The following AFG1L variants were observed in gnomAD, a reference collection of about 807,000 sequenced individuals.
The protein encoded by AFG1L is AFG1 like ATPase.
A neutral mutation model predicts 62.2 loss-of-function variants in AFG1L; 53 were observed. That is an observed-to-expected ratio of 0.85 (90% CI 0.68 to 1.07). AFG1L has a LOEUF of 1.07. Ranked by LOEUF, AFG1L falls within the 50% of genes least tolerant of loss-of-function variation. The probability of loss-of-function intolerance (pLI) is 0.00; values close to 1 mark genes in which losing one functional copy is unlikely to be tolerated. For missense variants in AFG1L, 555 were observed against 590.5 expected, an observed-to-expected ratio of 0.94 and a Z score of 0.62; for synonymous variants, 228 against 210.3, an observed-to-expected ratio of 1.08 and a Z score of -0.73.
intron 6 of AFG1L, among the ~76,000 whole-genome samples, chr6:108,383,998 G>A (rs555460619): frequency 6.7e-6 from 1 of 149,614 alleles, no homozygotes; most frequent in South Asian, 2.1e-4. Flanking sequence ...TGATCTTTCT[G>A]CAGGTAATAA....
At chr6:108,318,008 T>TA (rs1777672391) in intron 1 of AFG1L, 1 of 153,528 alleles carries the variant, frequency 6.5e-6, no homozygotes, top group Non-Finnish European at 1.4e-5. Context: ...GTTCCAAACT[T>TA]ATATTTTAAA....
intron 5 of AFG1L, chr6:108,358,951 G>A (rs1367615151): frequency 6.6e-6 from 1 of 152,212 alleles, no homozygotes; most frequent in African/African-American, 2.4e-5. Flanking sequence ...GAGCAAGCAG[G>A]GCAACTTGCC....
chr6:108,460,936 G>A (rs4946920), intron 8 of AFG1L, among the ~76,000 whole-genome samples: 6,712 of 152,242 alleles, frequency 0.044, 223 homozygotes, highest in South Asian at 0.11. Flanking sequence ...CAGCCTGGGC[G>A]ACAGAGCGAG....
At chr6:108,349,784 G>A (rs1779009485) in intron 3 of AFG1L, among the ~76,000 whole-genome samples, 1 of 151,984 alleles carries the variant, frequency 6.6e-6, no homozygotes, top group Admixed American at 6.6e-5. Flanking sequence ...GAGCATGGTG[G>A]TGTGTGCCTG....
chr6:108,484,556 C>CA (rs1391751711), intron 10 of AFG1L, among the ~76,000 whole-genome samples: 1 of 152,140 alleles, frequency 6.6e-6, no homozygotes, highest in African/African-American at 2.4e-5. Flanking sequence ...TACAAGACCC[C>CA]AGGCCTCCAC....
chr6:108,510,849 G>C (rs1774616262), intron 11 of AFG1L, among the ~76,000 whole-genome samples: 1 of 152,134 alleles, frequency 6.6e-6, no homozygotes, highest in African/African-American at 2.4e-5. Context: ...GGAGGCCAAG[G>C]GAGGATCGCT....
intron 6 of AFG1L, among the ~76,000 whole-genome samples, chr6:108,375,328 C>G (rs906275531): frequency 1.3e-5 from 2 of 152,150 alleles, no homozygotes; most frequent in Admixed American, 6.5e-5. Flanking sequence ...ATTTCTTCCT[C>G]TTGCCTGATT....
chr6:108,519,705 A>C lies in AFG1L; in HGVS notation c.1212A>C (p.Ile404=). Residue 404 remains isoleucine, a synonymous_variant, in exon 12 of 13, where the codon ATA becomes ATC. Coordinates refer to ENST00000368977, the MANE Select transcript of AFG1L (RefSeq NM_145315.5). ...IDNFYDLKVR[I]ICSASTPISS... ...ATTTTCTTCTATTTCAGGTGCGTATAATTTGCTCTGCGTCGACTCCTATAT... is the reference window on the plus strand; with the variant it reads ...ATTTTCTTCTATTTCAGGTGCGTATCATTTGCTCTGCGTCGACTCCTATAT... 1 of 1,595,544 alleles carries C rather than the reference A, an allele frequency of 6.3e-7. No homozygotes were observed. The highest frequency in any genetic ancestry group is 2.2e-5 in the East Asian group (1 of 44,772).
At chr6:108,332,399 G>C (rs530124790) in intron 2 of AFG1L, among the ~76,000 whole-genome samples, 8 of 152,282 alleles carry the variant, frequency 5.3e-5, no homozygotes, top group African/African-American at 1.9e-4. Flanking sequence ...GAATATACAT[G>C]GGAACTTGAT....
chr6:108,388,025 A>G (rs949855156), intron 6 of AFG1L: 4 of 152,164 alleles, frequency 2.6e-5, no homozygotes, highest in African/African-American at 9.7e-5. Flanking sequence ...CCCATCTGGT[A>G]GTAAGGCCTT....
intron 1 of AFG1L, among the ~76,000 whole-genome samples, chr6:108,314,396 CT>C (rs779796652): frequency 4.6e-3 from 644 of 140,426 alleles, no homozygotes; most frequent in Non-Finnish European, 4.8e-3. Flanking sequence ...TCTGCTTCTT[CT>C]TTTTTTTTTT....
chr6:108,500,175 T>TGTGTGC (rs2114874625), intron 10 of AFG1L, among the ~76,000 whole-genome samples: 1 of 133,378 alleles, frequency 7.5e-6, no homozygotes, highest in African/African-American at 2.6e-5. Flanking sequence ...TGCGTGCGTG[T>TGTGTGC]GTGTGTGTGT....
At chr6:108,449,434 T>C (rs1348567147) in intron 8 of AFG1L, among the ~76,000 whole-genome samples, 3 of 152,070 alleles carry the variant, frequency 2.0e-5, no homozygotes, top group Non-Finnish European at 2.9e-5. Flanking sequence ...ATTAAAATCA[T>C]CTCAGAAGTG....
At chr6:108,401,443 C>T (rs1192782769) in intron 6 of AFG1L, among the ~76,000 whole-genome samples, 1 of 152,010 alleles carries the variant, frequency 6.6e-6, no homozygotes, top group Non-Finnish European at 1.5e-5. Flanking sequence ...CGCCCGGCCG[C>T]CTGGCTAATT....
chr6:108,417,823 GTTTTA>G (rs1274054427), intron 7 of AFG1L, among the ~76,000 whole-genome samples: 1 of 151,860 alleles, frequency 6.6e-6, no homozygotes, highest in Admixed American at 6.6e-5. Context: ...AAATATAATT[GTTTTA>G]TTTTATTTTA....
At chr6:108,426,799 A>T (rs544263343) in intron 7 of AFG1L, among the ~76,000 whole-genome samples, 20 of 150,636 alleles carry the variant, frequency 1.3e-4, no homozygotes, top group Non-Finnish European at 2.5e-4. Flanking sequence ...AAATATTAAA[A>T]CTCCCCCTTC....
At chr6:108,402,467 TAAAA>T (rs55775052) in intron 7 of AFG1L, among the ~76,000 whole-genome samples, 1 of 91,182 alleles carries the variant, frequency 1.1e-5, no homozygotes, top group Non-Finnish European at 2.1e-5. Flanking sequence ...CCGTCTCGAA[TAAAA>T]AAAAAAAAAA....
chr6:108,295,323 C>A, intron 1 of AFG1L, 105 bp downstream of exon 1: 1 of 1,328,602 alleles, frequency 7.5e-7, no homozygotes, highest in Non-Finnish European at 1.0e-6. Context: ...CCTGCTTTCA[C>A]GAAGCTGAGG....
chr6:108,328,351 A>G (rs1778138619), intron 2 of AFG1L, among the ~76,000 whole-genome samples: 1 of 152,142 alleles, frequency 6.6e-6, no homozygotes, highest in African/African-American at 2.4e-5. Context: ...TGAATTTTAC[A>G]TCTTGTTCCC....
Sources: gnomAD v4.1 joint callset for allele counts (sites outside exome capture counted in the v4.1 genomes callset) on GRCh38, gnomAD v4.1.1 for gene constraint, MANE v1.5 for transcripts, NCBI Gene and HGNC (gene_info 2026-07-23, HGNC 2026-07-21) for gene names.